Variants in DEFB124 observed in about 807,000 individuals in gnomAD.
DEFB124 encodes defensin beta 124.
For missense variants in DEFB124, 78 were observed against 83.1 expected, an observed-to-expected ratio of 0.94 and a Z score of 0.24; for synonymous variants, 38 against 36.5, an observed-to-expected ratio of 1.04 and a Z score of -0.15.
intron 2 of DEFB124, among the ~76,000 whole-genome samples, chr20:31,471,674 T>C (rs1980315619): frequency 7.1e-6 from 1 of 140,620 alleles, no homozygotes; most frequent in African/African-American, 2.8e-5. Context: ...GAGGGGCTCC[T>C]CACTTCTCAG....
intron 2 of DEFB124, among the ~76,000 whole-genome samples, chr20:31,470,295 G>A (rs112343913): frequency 1.4e-5 from 2 of 143,796 alleles, no homozygotes; most frequent in East Asian, 2.2e-4. Flanking sequence ...GGCTGGCCGG[G>A]CAGAGGGGTT....
intron 2 of DEFB124, among the ~76,000 whole-genome samples, chr20:31,470,182 G>C (rs1168979791): frequency 4.9e-5 from 7 of 141,678 alleles, no homozygotes; most frequent in East Asian, 4.2e-4. Context: ...CCTCCCGGAC[G>C]GGGCGGCTGG....
chr20:31,474,023 C>G (rs1980406870), intron 1 of DEFB124, among the ~76,000 whole-genome samples: 2 of 152,196 alleles, frequency 1.3e-5, no homozygotes, highest in African/African-American at 2.4e-5. Flanking sequence ...AAGAGTAGGG[C>G]ATGAGCCAAG....
Position 31,469,387 on chromosome 20 carries a change from C to A in DEFB124, c.58+3569G>T, listed in dbSNP as rs1243866144. On this transcript the variant is annotated intron_variant, in intron 2 of 2. Transcript: ENST00000317676. ...GCAGTGAGCTGAGATCATGCCATTG[C>A]ACGAGCAACAAGAATGAAACTCCAT... is the stretch of plus-strand genomic sequence containing the variant. 2.0e-5 allele frequency among the ~76,000 whole-genome samples: 3 copies of A among 152,228 alleles called. No homozygotes were observed. In the East Asian group the frequency reaches 5.8e-4, roughly 29 times the overall value.
intron 2 of DEFB124, among the ~76,000 whole-genome samples, chr20:31,467,590 G>A (rs1185338125): frequency 6.6e-6 from 1 of 152,146 alleles, no homozygotes; most frequent in Non-Finnish European, 1.5e-5. Flanking sequence ...AAGATTATCA[G>A]CATGACAGCT....
At chr20:31,470,763 T>C (rs1319931327) in intron 2 of DEFB124, among the ~76,000 whole-genome samples, 1 of 115,058 alleles carries the variant, frequency 8.7e-6, no homozygotes, top group African/African-American at 3.3e-5. Flanking sequence ...GGCTCCTCAC[T>C]TCCCAGTAGG....
In DEFB124 at chr20:31,472,893, C is replaced by CCTCATTT. The variant is rs1291716073; in HGVS notation, c.58+56_58+62dup. ...GTCCTCCAGGACCTGAGAGTCTAGT[C>CCTCATTT]CTCATTTTTACAAGCACACATGTGC... On this transcript the variant is annotated intron_variant, in intron 2 of 2. Coordinates refer to ENST00000317676, the MANE Select transcript of DEFB124 (RefSeq NM_001037500.2). The CCTCATTT allele has an allele frequency of 2.5e-6, 4 of 1,575,558 alleles. No individual in the cohort carries two copies. In the African/African-American group the frequency reaches 5.6e-5, roughly 22 times the overall value.
At chr20:31,469,389 C>G (rs187338942) in intron 2 of DEFB124, among the ~76,000 whole-genome samples, 1 of 151,834 alleles carries the variant, frequency 6.6e-6, no homozygotes, top group Admixed American at 6.6e-5. Flanking sequence ...TGCCATTGCA[C>G]GAGCAACAAG....
chr20:31,470,556 G>T (rs1298225357), intron 2 of DEFB124, among the ~76,000 whole-genome samples: 1 of 133,622 alleles, frequency 7.5e-6, no homozygotes, highest in Non-Finnish European at 1.6e-5. Context: ...CGGGCGGGGG[G>T]CTGACCCCAC....
intron 2 of DEFB124, among the ~76,000 whole-genome samples, chr20:31,470,054 CGGGGCGGCTGG>C (rs1980192941): frequency 2.2e-5 from 3 of 134,856 alleles, no homozygotes; most frequent in Admixed American, 7.1e-5. Context: ...ACCTCCCGGA[CGGGGCGGCTGG>C]ACGGGCAGGG....
At chr20:31,468,631 A>T (rs1886232566) in intron 2 of DEFB124, among the ~76,000 whole-genome samples, 3 of 151,400 alleles carry the variant, frequency 2.0e-5, no homozygotes, top group Admixed American at 2.0e-4. Flanking sequence ...GCCCACCACC[A>T]CGCCCAACTA....
chr20:31,472,607 A>C, intron 2 of DEFB124: 2 of 236,976 alleles, frequency 8.4e-6, no homozygotes, highest in Non-Finnish European at 8.2e-6. Context: ...ATCACCACCC[A>C]ACATATGTTT....
intron 2 of DEFB124, among the ~76,000 whole-genome samples, chr20:31,468,774 C>G (rs1980148266): frequency 6.6e-6 from 1 of 152,070 alleles, no homozygotes; most frequent in Non-Finnish European, 1.5e-5. Context: ...CGCGCCCGGC[C>G]AGGGTTCTTT....
rs1471557519 is a variant in DEFB124 at position 31,471,585 on chromosome 20, A to G, written c.58+1371T>C. Among the ~76,000 whole-genome samples, 98 of 144,416 alleles carry G rather than the reference A, an allele frequency of 6.8e-4. 2 individuals are homozygous for G. Among genetic ancestry groups the G allele is most frequent in the African/African-American group, 2.5e-3 (93 of 37,870 alleles). The allele number at this position is 144,416 out of a possible 152,430, so 94.7% of individuals were successfully genotyped here. ...CCCGGACGGGGCGGCTGCCGGGCGG[A>G]GACGCTCCTCACTTCCCAGACGGGG... On this transcript the variant is annotated intron_variant, in intron 2 of 2. Transcript: ENST00000317676.
chr20:31,471,937 G>A (rs1980330941), intron 2 of DEFB124, among the ~76,000 whole-genome samples: 1 of 151,196 alleles, frequency 6.6e-6, no homozygotes, highest in African/African-American at 2.4e-5. Flanking sequence ...CCAGGCAGAG[G>A]GGCTCCTCAC....
intron 1 of DEFB124, among the ~76,000 whole-genome samples, chr20:31,473,663 T>A (rs1980396277): frequency 6.6e-6 from 1 of 152,096 alleles, no homozygotes; most frequent in African/African-American, 2.4e-5. Flanking sequence ...ACCTACTGAA[T>A]TCACCTCTTC....
chr20:31,471,281 T>C (rs1980285198), intron 2 of DEFB124, among the ~76,000 whole-genome samples: 1 of 120,112 alleles, frequency 8.3e-6, no homozygotes, highest in Admixed American at 8.2e-5. Context: ...GCCCCTCACC[T>C]CCCGGACGGG....
At chr20:31,470,340 G>A (rs1207234722) in intron 2 of DEFB124, among the ~76,000 whole-genome samples, 5 of 136,124 alleles carry the variant, frequency 3.7e-5, no homozygotes, top group Non-Finnish European at 6.3e-5. Flanking sequence ...GGGCAGAGGC[G>A]CCCCTCACCC....
At chr20:31,470,699 G>T (rs1339621319) in intron 2 of DEFB124, among the ~76,000 whole-genome samples, 1 of 137,694 alleles carries the variant, frequency 7.3e-6, no homozygotes. Context: ...CTGGCTGGGC[G>T]GGGGGCTGAC....
Sources: allele counts gnomAD v4.1 joint callset (sites outside exome capture counted in the v4.1 genomes callset), GRCh38; gene constraint gnomAD v4.1.1; transcripts MANE v1.5; gene names NCBI Gene and HGNC (gene_info 2026-07-23, HGNC 2026-07-21).